The following VDAC1 variants were observed in gnomAD, a reference collection of about 807,000 sequenced individuals.
The protein encoded by VDAC1 is voltage dependent anion channel 1, also known as non-selective voltage-gated ion channel VDAC1.
A neutral mutation model predicts 34.7 loss-of-function variants in VDAC1; 10 were observed. The ratio of observed to expected loss-of-function variants is 0.29; its 90% CI spans 0.18 to 0.49. The LOEUF is 0.49. VDAC1 is among the 20% of genes least tolerant of loss of function. The probability of loss-of-function intolerance (pLI) is 0.99; values close to 1 mark genes in which losing one functional copy is unlikely to be tolerated. For missense variants in VDAC1, 230 were observed against 347.9 expected (o/e 0.66, Z 2.69); for synonymous variants, 130 against 136.0 (o/e 0.96, Z 0.30).
chr5:134,101,605 CCGGCGT>C, the VDAC1 span, among the ~76,000 whole-genome samples: 92 of 152,006 alleles, frequency 6.1e-4, no homozygotes, highest in African/African-American at 2.1e-3. Flanking sequence ...GTGAGCTTCA[CCGGCGT>C]CGGCACAGGA....
the VDAC1 span, among the ~76,000 whole-genome samples, chr5:134,016,239 C>CG: frequency 6.6e-6 from 1 of 152,014 alleles, no homozygotes; most frequent in African/African-American, 2.4e-5. Context: ...ACAGCAAACT[C>CG]GGGCCCAGTG....
the VDAC1 span, among the ~76,000 whole-genome samples, chr5:134,032,144 A>AAAAAAAAAAAAAAC: frequency 6.8e-6 from 1 of 146,358 alleles, no homozygotes; most frequent in Non-Finnish European, 1.5e-5. Context: ...AAAAAAAAAA[A>AAAAAAAAAAAAAAC]GCTACTCTGC....
At chr5:133,995,235 G>A (rs10050682) in intron 1 of VDAC1, among the ~76,000 whole-genome samples, 7,551 of 152,238 alleles carry the variant, frequency 0.05, 207 homozygotes, top group East Asian at 0.13. Flanking sequence ...TAGGAGCTCC[G>A]ACACGGCCAA....
At position 133,971,938 on chromosome 5, in the gene VDAC1, GT is replaced by G. The variant is rs1168835691; in HGVS notation, c.*832del. On this transcript the variant is annotated 3_prime_UTR_variant, in exon 9 of 9. Transcript: ENST00000265333. The stretch of plus-strand genomic sequence containing the variant: ...GATGAGGTTTCAATATTTTATTCAA[GT>G]TTTTTAAGTGTTGTTAATTACAGCA... The G allele has an allele frequency of 6.6e-6, 1 of 152,628 alleles. No individual in the cohort carries two copies. The highest frequency in any genetic ancestry group is 1.5e-5 in the Non-Finnish European group (1 of 68,044). The allele number at this position is 152,628 out of a possible 1,614,324, so 9.5% of individuals were successfully genotyped here. A position where few individuals can be genotyped will look rare whatever the true frequency, so the allele number is the denominator to read the frequency against.
At chr5:134,058,799 G>A in the VDAC1 span, among the ~76,000 whole-genome samples, 1 of 152,200 alleles carries the variant, frequency 6.6e-6, no homozygotes, top group Non-Finnish European at 1.5e-5. Flanking sequence ...GAGGGTGTCT[G>A]AACCTGACAC....
At chr5:134,031,497 G>T in the VDAC1 span, among the ~76,000 whole-genome samples, 1 of 152,162 alleles carries the variant, frequency 6.6e-6, no homozygotes, top group Non-Finnish European at 1.5e-5. Context: ...GGAGACAGGA[G>T]ATTCTATACA....
the VDAC1 span, among the ~76,000 whole-genome samples, chr5:134,077,757 G>T: frequency 1.3e-5 from 2 of 152,200 alleles, no homozygotes; most frequent in African/African-American, 4.8e-5. Flanking sequence ...CCTGGGGCAG[G>T]GAAGGCATTT....
chr5:134,033,294 G>T, the VDAC1 span, among the ~76,000 whole-genome samples: 1 of 150,900 alleles, frequency 6.6e-6, no homozygotes, highest in East Asian at 2.0e-4. Flanking sequence ...AGTAGCTGGG[G>T]CTACAGGCGC....
the VDAC1 span, among the ~76,000 whole-genome samples, chr5:134,111,794 G>A: frequency 6.6e-6 from 1 of 152,202 alleles, no homozygotes; most frequent in Non-Finnish European, 1.5e-5. Context: ...ACACTAGAGT[G>A]TGATAGTTAG....
At chr5:134,066,108 T>C in the VDAC1 span, among the ~76,000 whole-genome samples, 75 of 152,056 alleles carry the variant, frequency 4.9e-4, no homozygotes, top group African/African-American at 1.8e-3. Context: ...TAAATATTTT[T>C]ATCTACTTAT....
At chr5:134,001,487 C>T (rs761243057) in intron 1 of VDAC1, among the ~76,000 whole-genome samples, 1 of 151,962 alleles carries the variant, frequency 6.6e-6, no homozygotes, top group Non-Finnish European at 1.5e-5. Context: ...GAGGCCGAGG[C>T]GGGTGGATCA....
At chr5:134,029,619 CT>C in the VDAC1 span, among the ~76,000 whole-genome samples, 1 of 152,178 alleles carries the variant, frequency 6.6e-6, no homozygotes. Flanking sequence ...GAGGAACTAA[CT>C]TTTTAATTTG....
the VDAC1 span, among the ~76,000 whole-genome samples, chr5:134,108,365 T>TGAA: frequency 3.3e-5 from 5 of 152,172 alleles, no homozygotes; most frequent in South Asian, 1.0e-3. Context: ...GGGCCACAGA[T>TGAA]GAAGGTGCCA....
chr5:134,080,191 G>A, the VDAC1 span, among the ~76,000 whole-genome samples: 11 of 152,230 alleles, frequency 7.2e-5, no homozygotes, highest in South Asian at 4.1e-4. Context: ...AGAACCCATC[G>A]TCAGACACGA....
chr5:134,039,555 T>C, the VDAC1 span, among the ~76,000 whole-genome samples: 2 of 152,080 alleles, frequency 1.3e-5, no homozygotes, highest in Admixed American at 1.3e-4. Flanking sequence ...GGTCTCGATC[T>C]GCTGACCTCG....
Position 133,975,853 on chromosome 5 carries a change from G to C in VDAC1, c.702+18C>G, listed in dbSNP as rs758948611. On this transcript the variant is annotated intron_variant, in intron 7 of 8. Coordinates refer to ENST00000265333, the MANE Select transcript of VDAC1 (RefSeq NM_003374.3). ...AGATGGGCCTGCCTGTGAGATGCGT[G>C]ATTCCACAGATACCCACCGAGAAGC... is the stretch of plus-strand genomic sequence containing the variant. 10 of 1,610,026 alleles carry C rather than the reference G, an allele frequency of 6.2e-6. No homozygotes were observed. The South Asian group carries it at 1.1e-4, about 18-fold the overall frequency.
chr5:134,063,906 C>T, the VDAC1 span, among the ~76,000 whole-genome samples: 12 of 151,986 alleles, frequency 7.9e-5, no homozygotes, highest in Admixed American at 7.2e-4. Flanking sequence ...AATTAGAGCT[C>T]ACTGCAGCCT....
the VDAC1 span, among the ~76,000 whole-genome samples, chr5:134,053,482 G>A: frequency 1.3e-5 from 2 of 152,204 alleles, no homozygotes; most frequent in Admixed American, 6.5e-5. Context: ...AGGGGCAGGC[G>A]CCAGGAAGGA....
At chr5:134,057,039 T>C in the VDAC1 span, among the ~76,000 whole-genome samples, 2 of 152,152 alleles carry the variant, frequency 1.3e-5, no homozygotes, top group African/African-American at 2.4e-5. Flanking sequence ...GAGTCTAAAG[T>C]ATATGTGTCT....
Sources: gnomAD v4.1 joint callset for allele counts (sites outside exome capture counted in the v4.1 genomes callset) on GRCh38, gnomAD v4.1.1 for gene constraint, MANE v1.5 for transcripts, NCBI Gene and HGNC (gene_info 2026-07-23, HGNC 2026-07-21) for gene names.